Variants in DGKG observed in about 807,000 individuals in gnomAD.
DGKG encodes diacylglycerol kinase gamma, also known as DAG kinase gamma.
Under a neutral mutation model 105.3 loss-of-function variants are expected in DGKG, and 78 were observed. That is an observed-to-expected ratio of 0.74 (90% CI 0.62 to 0.89). DGKG has a LOEUF of 0.89. Ranked by LOEUF, DGKG falls within the 40% of genes least tolerant of loss-of-function variation. DGKG has a pLI of 0.00. For missense variants in DGKG, 958 were observed against 1,020.1 expected, an observed-to-expected ratio of 0.94 and a Z score of 0.83; for synonymous variants, 346 against 367.1, an observed-to-expected ratio of 0.94 and a Z score of 0.66.
intron 1 of DGKG, among the ~76,000 whole-genome samples, chr3:186,349,549 T>A (rs1166494831): frequency 6.6e-6 from 1 of 152,224 alleles, no homozygotes; most frequent in Non-Finnish European, 1.5e-5. Context: ...CTCTTTTTTT[T>A]AGCATCTATT....
chr3:186,339,420 T>G (rs1194773856), intron 1 of DGKG, among the ~76,000 whole-genome samples: 1 of 152,234 alleles, frequency 6.6e-6, no homozygotes, highest in Non-Finnish European at 1.5e-5. Context: ...GTTTACTAAC[T>G]GTGTCTTACA....
rs778226991 is a variant in DGKG at position 186,298,101 on chromosome 3, C to T, written c.273G>A (p.Pro91=). 49 of 1,613,508 alleles carry T rather than the reference C, an allele frequency of 3.0e-5. No individual in the cohort carries two copies. In the East Asian group the frequency reaches 5.1e-4, roughly 17 times the overall value. ...QKPRHETSDH[P]TEGASNSEAN... is the part of the protein sequence containing the mutation. ...CCTCACTGTTGCTGGCTCCCTCCGT[C>T]GGGTGGTCAGAGGTCTCGTGTCTGG... Residue 91 remains proline (P), a synonymous_variant, in exon 4 of 25, where the codon CCG becomes CCA. Coordinates refer to ENST00000265022, the MANE Select transcript of DGKG (RefSeq NM_001346.3).
At position 186,190,505 on chromosome 3, in the gene DGKG, T is replaced by A. The variant is rs545656010; in HGVS notation, c.1918-2126A>T. Among the ~76,000 whole-genome samples, 87 of 152,190 alleles carry A rather than the reference T, an allele frequency of 5.7e-4. 1 individual carries two copies. The highest frequency in any genetic ancestry group is 1.1e-3 in the Non-Finnish European group (76 of 68,046). ...TTCAGCACGTTATCCATTATCATTA[T>A]CCTTATCCTTATTATCCAATTGATA... On this transcript the variant is annotated intron_variant, in intron 21 of 24. Coordinates refer to ENST00000265022, the MANE Select transcript of DGKG (RefSeq NM_001346.3).
chr3:186,174,080 C>T (rs1256219423), intron 22 of DGKG, among the ~76,000 whole-genome samples: 1 of 152,230 alleles, frequency 6.6e-6, no homozygotes, highest in Admixed American at 6.5e-5. Context: ...GCACGAGCTT[C>T]GGACAGAGTT....
At chr3:186,154,579 AG>A (rs1253843451) in intron 24 of DGKG, among the ~76,000 whole-genome samples, 1 of 147,828 alleles carries the variant, frequency 6.8e-6, no homozygotes. Context: ...TGGGAGGCAC[AG>A]GTTGCAGTGA....
chr3:186,207,543 AC>A, intron 21 of DGKG: 2 of 973,400 alleles, frequency 2.1e-6, no homozygotes, highest in Non-Finnish European at 2.4e-6. Flanking sequence ...AAAAACAAAA[AC>A]AAAAAGCCCT....
At position 186,302,460 on chromosome 3, in the gene DGKG, CTA is replaced by C. The variant is rs58937810; in HGVS notation, c.145-4233_145-4232del. On this transcript the variant is annotated intron_variant, in intron 3 of 24. Transcript: ENST00000265022. ...AGATTGGAAAAAGGGGGGAAATGTGCTATATATATATATATATATATATATAT... is the reference window on the plus strand; with the variant it reads ...AGATTGGAAAAAGGGGGGAAATGTGCTATATATATATATATATATATATAT... 7.0e-3 allele frequency among the ~76,000 whole-genome samples: 339 copies of C among 48,626 alleles called. 1 individual carries two copies. The highest frequency in any genetic ancestry group is 0.022 in the South Asian group (30 of 1,384). The allele number at this position is 48,626 out of a possible 152,430, so 31.9% of individuals were successfully genotyped here.
At position 186,338,807 on chromosome 3, in the gene DGKG, G is replaced by A. The variant is rs192729571; in HGVS notation, c.-248-18100C>T. ...AAGTTTACGTACATTGGTTAGAGAT[G>A]GAGGCTTACGGAACATTGACTTGAA... On this transcript the variant is annotated intron_variant, in intron 1 of 24. Coordinates refer to ENST00000265022, the MANE Select transcript of DGKG (RefSeq NM_001346.3). Among the ~76,000 whole-genome samples, 51 of 152,180 alleles carry A rather than the reference G, an allele frequency of 3.4e-4. 1 individual carries two copies. Among genetic ancestry groups the A allele is most frequent in the Admixed American group, 2.7e-3 (42 of 15,282 alleles).
intron 19 of DGKG, among the ~76,000 whole-genome samples, chr3:186,251,062 A>G (rs895233601): frequency 6.6e-6 from 1 of 152,122 alleles, no homozygotes; most frequent in African/African-American, 2.4e-5. Flanking sequence ...TGAAAAAGGA[A>G]CAGAGTGCTG....
chr3:186,197,106 C>T (rs565078958), intron 21 of DGKG, among the ~76,000 whole-genome samples: 9 of 152,116 alleles, frequency 5.9e-5, no homozygotes, highest in East Asian at 1.9e-4. Context: ...GATCTGGGGA[C>T]GATACCAGGG....
At chr3:186,215,456 T>C (rs984646896) in intron 20 of DGKG, among the ~76,000 whole-genome samples, 5 of 149,682 alleles carry the variant, frequency 3.3e-5, no homozygotes, top group Admixed American at 2.7e-4. Context: ...TCATGGACCA[T>C]CCTCAAGTGG....
intron 24 of DGKG, chr3:186,159,440 C>G (rs1380875941): frequency 1.3e-5 from 2 of 152,136 alleles, no homozygotes; most frequent in Non-Finnish European, 2.9e-5. Context: ...AATATAATCT[C>G]AGGTTTGGGA....
chr3:186,297,599 G>A (rs933362585), intron 4 of DGKG, 116 bp from the exon 5 acceptor site: 2 of 746,768 alleles, frequency 2.7e-6, no homozygotes, highest in Non-Finnish European at 2.3e-6. Flanking sequence ...GTGTCTCGGG[G>A]TTATGTGTCA....
At chr3:186,240,420 G>A (rs529319428) in intron 20 of DGKG, among the ~76,000 whole-genome samples, 17 of 152,302 alleles carry the variant, frequency 1.1e-4, no homozygotes, top group African/African-American at 3.6e-4. Flanking sequence ...TGTGCATTAC[G>A]TTTTCAAAAG....
intron 17 of DGKG, among the ~76,000 whole-genome samples, chr3:186,253,530 C>T (rs1049037813): frequency 4.6e-5 from 7 of 152,196 alleles, no homozygotes; most frequent in Admixed American, 4.6e-4. Flanking sequence ...TGATAATCAG[C>T]ACTTACTCCA....
intron 20 of DGKG, among the ~76,000 whole-genome samples, chr3:186,223,011 C>CTATATATATATATA (rs55753193): frequency 0.027 from 2,147 of 80,382 alleles, 201 homozygotes; most frequent in Middle Eastern, 0.055. Context: ...TGTATGTATA[C>CTATATATATATATA]TATATATATA....
At chr3:186,306,842 T>C (rs1724264160) in intron 3 of DGKG, 59 bp downstream of exon 3, 3 of 1,227,916 alleles carry the variant, frequency 2.4e-6, no homozygotes, top group Non-Finnish European at 3.6e-6. Context: ...GGGAAACAAA[T>C]TATGGAAAGG....
chr3:186,265,181 C>G, intron 14 of DGKG, 66 bp downstream of exon 14: 1 of 1,508,662 alleles, frequency 6.6e-7, no homozygotes, highest in African/African-American at 1.4e-5. Flanking sequence ...ACCCAAACCC[C>G]GTCTTGCCCG....
chr3:186,284,537 T>C lies in DGKG; in HGVS notation c.594+123A>G. 2 of 854,740 alleles carry C rather than the reference T, an allele frequency of 2.3e-6. No individual in the cohort carries two copies. Among genetic ancestry groups the C allele is most frequent in the Non-Finnish European group, 3.9e-6 (2 of 509,828 alleles). 52.9% of individuals were successfully genotyped at this position (854,740 alleles called of 1,614,324 possible). On this transcript the variant is annotated intron_variant, in intron 7 of 24. Transcript: ENST00000265022. The surrounding 1 kb of genome is among the most constrained non-coding windows in gnomAD (Gnocchi z 4.0). ...AGGTCCTAGTCGGATTTCCTCAGCC[T>C]GCATCGAGACATTGCTATTACTACA... is the stretch of plus-strand genomic sequence containing the variant.
Sources: gnomAD v4.1 joint callset for allele counts (sites outside exome capture counted in the v4.1 genomes callset) on GRCh38, gnomAD v4.1.1 for gene constraint, Gnocchi (gnomAD v3.1) non-coding constraint, MANE v1.5 for transcripts, NCBI Gene and HGNC (gene_info 2026-07-23, HGNC 2026-07-21) for gene names.